KCNK10: variants seen among roughly 807,000 people sequenced by gnomAD.
KCNK10 encodes potassium two pore domain channel subfamily K member 10.
A neutral mutation model predicts 47.7 loss-of-function variants in KCNK10; 25 were observed. The observed-to-expected ratio is 0.52, with a 90% CI of 0.38 to 0.73. The LOEUF (loss-of-function observed/expected upper bound fraction) is 0.73. KCNK10 is among the 30% of genes least tolerant of loss of function. The pLI, the probability that KCNK10 is intolerant of heterozygous loss-of-function variation, is 0.00. For synonymous variants in KCNK10, 303 were observed against 285.6 expected, an observed-to-expected ratio of 1.06 and a Z score of -0.61; for missense variants, 563 against 714.5, an observed-to-expected ratio of 0.79 and a Z score of 2.42.
chr14:88,256,687 A>C (rs914806570), intron 2 of KCNK10, among the ~76,000 whole-genome samples: 5 of 152,152 alleles, frequency 3.3e-5, no homozygotes, highest in African/African-American at 1.2e-4. Context: ...TCTATGAGAA[A>C]ATCCAGAGTT....
At chr14:88,189,952 T>C (rs1026134491) in intron 5 of KCNK10, among the ~76,000 whole-genome samples, 1 of 152,178 alleles carries the variant, frequency 6.6e-6, no homozygotes, top group Non-Finnish European at 1.5e-5. Context: ...ACTGTGACTT[T>C]TAAGAGACCG....
chr14:88,277,010 T>A (rs1015030127), intron 1 of KCNK10, among the ~76,000 whole-genome samples: 2 of 152,192 alleles, frequency 1.3e-5, no homozygotes, highest in Non-Finnish European at 2.9e-5. Context: ...AAAAGTGGGG[T>A]ATCATATGTA....
In KCNK10 at chr14:88,181,400, G is replaced by A. The variant is rs1884343920; in HGVS notation, c.*4135C>T. 3 of 127,560 alleles carry A rather than the reference G, an allele frequency of 2.4e-5. 1 individual carries two copies. The highest frequency in any genetic ancestry group is 3.2e-5 in the African/African-American group (1 of 31,042). 7.9% of individuals were successfully genotyped at this position (127,560 alleles called of 1,614,324 possible). ...CAGCCATTTCCTCAGGTGTGTGTGT[G>A]TGTGTGTATGTGTGCGTGTGTGTGT... is the stretch of plus-strand genomic sequence containing the variant. On this transcript the variant is annotated 3_prime_UTR_variant, in exon 7 of 7. Coordinates refer to ENST00000319231, the MANE Select transcript of KCNK10 (RefSeq NM_138317.3).
At chr14:88,301,526 A>G (rs758390922) in intron 1 of KCNK10, among the ~76,000 whole-genome samples, 1 of 152,090 alleles carries the variant, frequency 6.6e-6, no homozygotes, top group Non-Finnish European at 1.5e-5. Flanking sequence ...GTATGCTACA[A>G]CAGAGGGTGC....
At chr14:88,235,727 T>C (rs1413394311) in intron 3 of KCNK10, among the ~76,000 whole-genome samples, 2 of 152,044 alleles carry the variant, frequency 1.3e-5, no homozygotes, top group Non-Finnish European at 1.5e-5. Context: ...ATGAGAGACA[T>C]AGAAGATGAG....
chr14:88,322,937 C>A lies in KCNK10; in HGVS notation c.-139G>T. The A allele has an allele frequency of 1.3e-6, 2 of 1,503,304 alleles. No individual in the cohort carries two copies. Among genetic ancestry groups the A allele is most frequent in the Non-Finnish European group, 1.8e-6 (2 of 1,128,992 alleles). 93.1% of individuals were successfully genotyped at this position (1,503,304 alleles called of 1,614,324 possible). On this transcript the variant is annotated 5_prime_UTR_variant, in exon 1 of 7. Transcript: ENST00000319231. The surrounding 1 kb of genome is among the most constrained non-coding windows in gnomAD (Gnocchi z 4.8). The stretch of plus-strand genomic sequence containing the variant: ...AGCCTTGGACTGGCTCGTGGAGGAA[C>A]CCCAGAAAAAGACAGGTGGGAAAAT...
chr14:88,305,566 TGA>T (rs1277029335), intron 1 of KCNK10, among the ~76,000 whole-genome samples: 1 of 152,170 alleles, frequency 6.6e-6, no homozygotes, highest in African/African-American at 2.4e-5. Context: ...TTAGCCTGCC[TGA>T]GAGGTTGAGC....
intron 1 of KCNK10, among the ~76,000 whole-genome samples, chr14:88,273,366 A>C (rs1887452098): frequency 6.6e-6 from 1 of 152,200 alleles, no homozygotes; most frequent in South Asian, 2.1e-4. Context: ...TGATGACTTC[A>C]GTACTATACC....
chr14:88,186,022 C>T lies in KCNK10; in HGVS notation c.1145G>A (p.Arg382His), dbSNP rs765748005. The T allele has an allele frequency of 9.9e-6, 16 of 1,613,544 alleles. No individual in the cohort carries two copies. The African/African-American group carries it at 1.1e-4, about 11-fold the overall frequency. ...CCGCTGGTCCAGGCCCAGCCGCCGG[C>T]GCTCCATGCTGCGGATGGTGGCCGC... ...QRAATIRSME[R>H]RRLGLDQRAH... Residue 382 changes from arginine to histidine, a missense_variant, in exon 7 of 7, where the codon CGC (arginine) becomes CAC (histidine). Transcript: ENST00000319231. The surrounding 1 kb of genome is among the most constrained non-coding windows in gnomAD (Gnocchi z 5.5).
chr14:88,320,347 ATG>A (rs1888520509), intron 1 of KCNK10, among the ~76,000 whole-genome samples: 1 of 152,194 alleles, frequency 6.6e-6, no homozygotes, highest in Non-Finnish European at 1.5e-5. Flanking sequence ...AGGCTGTAAA[ATG>A]TGTAAAATTT....
At chr14:88,270,026 C>A (rs1380700304) in intron 1 of KCNK10, among the ~76,000 whole-genome samples, 1 of 152,248 alleles carries the variant, frequency 6.6e-6, no homozygotes, top group South Asian at 2.1e-4. Flanking sequence ...CTGCTACTGA[C>A]CCAGGCAAAG....
intron 4 of KCNK10, among the ~76,000 whole-genome samples, chr14:88,215,668 A>G (rs915586496): frequency 8.5e-5 from 13 of 152,174 alleles, no homozygotes; most frequent in Non-Finnish European, 1.2e-4. Flanking sequence ...GCAGATGTTC[A>G]TGAATAACTT....
At chr14:88,303,661 C>T (rs768079560) in intron 1 of KCNK10, among the ~76,000 whole-genome samples, 2 of 152,034 alleles carry the variant, frequency 1.3e-5, no homozygotes, top group Non-Finnish European at 2.9e-5. Flanking sequence ...GCAGAAGGGA[C>T]GGCCTTAGGT....
chr14:88,239,009 C>A (rs1886375127), intron 3 of KCNK10, among the ~76,000 whole-genome samples: 1 of 151,938 alleles, frequency 6.6e-6, no homozygotes, highest in Non-Finnish European at 1.5e-5. Flanking sequence ...GGTGGCACCC[C>A]AAAACAATGA....
At chr14:88,318,025 A>G (rs1888464637) in intron 1 of KCNK10, among the ~76,000 whole-genome samples, 2 of 152,170 alleles carry the variant, frequency 1.3e-5, no homozygotes, top group African/African-American at 4.8e-5. Context: ...ATCCACCCTC[A>G]CTGCACTTCT....
At chr14:88,235,924 C>A (rs536837742) in intron 3 of KCNK10, among the ~76,000 whole-genome samples, 1 of 152,054 alleles carries the variant, frequency 6.6e-6, no homozygotes, top group African/African-American at 2.4e-5. Flanking sequence ...GATAAAGTCA[C>A]CTATAAAAGT....
chr14:88,188,838 T>C (rs898731556), intron 5 of KCNK10, among the ~76,000 whole-genome samples: 1 of 152,224 alleles, frequency 6.6e-6, no homozygotes, highest in East Asian at 1.9e-4. Flanking sequence ...GGCTGTTCCA[T>C]TGAAAGGACC....
chr14:88,208,680 TA>T (rs1037040872), intron 4 of KCNK10, among the ~76,000 whole-genome samples: 1 of 152,132 alleles, frequency 6.6e-6, no homozygotes, highest in Non-Finnish European at 1.5e-5. Flanking sequence ...ATTTATTTTT[TA>T]AAAAAAATCA....
At position 88,182,071 on chromosome 14, in the gene KCNK10, C is replaced by CACAA. The variant is rs1431543938; in HGVS notation, c.*3463_*3464insTTGT. 6.6e-6 allele frequency: 1 copy of CACAA among 152,316 alleles called. No individual in the cohort carries two copies. 9.4% of individuals were successfully genotyped at this position (152,316 alleles called of 1,614,324 possible). ...ACACACACACACACACACACACACA[C>CACAA]ACACACACACACACTCTATACAGCC... On this transcript the variant is annotated 3_prime_UTR_variant, in exon 7 of 7. Coordinates refer to ENST00000319231, the MANE Select transcript of KCNK10 (RefSeq NM_138317.3).
Sources: allele counts gnomAD v4.1 joint callset (sites outside exome capture counted in the v4.1 genomes callset), GRCh38; gene constraint gnomAD v4.1.1; non-coding constraint Gnocchi (gnomAD v3.1); transcripts MANE v1.5; gene names NCBI Gene and HGNC (gene_info 2026-07-23, HGNC 2026-07-21).